Variants in HES7 observed in about 807,000 individuals in gnomAD.
HES7 encodes transcription factor HES-7.
In HES7, 8 loss-of-function variants were observed where a neutral mutation model predicts 18.0. The ratio of observed to expected loss-of-function variants is 0.45; its 90% CI spans 0.26 to 0.80. The LOEUF (loss-of-function observed/expected upper bound fraction) is 0.80, where lower values mean the gene tolerates loss of function less well. Ranked by LOEUF, HES7 falls within the 30% of genes least tolerant of loss-of-function variation. The probability of loss-of-function intolerance (pLI) is 0.18; values close to 1 mark genes in which losing one functional copy is unlikely to be tolerated. For missense variants in HES7, 356 were observed against 340.9 expected, an observed-to-expected ratio of 1.04 and a Z score of -0.35; for synonymous variants, 170 against 158.6, an observed-to-expected ratio of 1.07 and a Z score of -0.54.
rs1221649488 is a variant in HES7 at position 8,121,920 on chromosome 17, G to C, written c.344C>G (p.Ala115Gly). The C allele has an allele frequency of 1.3e-6, 2 of 1,565,122 alleles. No individual in the cohort carries two copies. The highest frequency in any genetic ancestry group is 2.3e-5 in the South Asian group (2 of 87,140). The change falls in exon 4 of 4, where the codon GCC becomes GGC. Residue 115 changes from alanine (A) to glycine (G), a missense_variant. Physicochemically the swap from Ala to Gly is moderately conservative, Grantham distance 60 (BLOSUM62 0). Transcript: ENST00000541682. ...GAGCTGGGCGCGGGCGGCCGGGCTG[G>C]CGTCGTGCGCGAAGGCCGCCAAGCG... Reference protein sequence around the residue: ...LLRLAAFAHDASPAARAQLFS... With the variant: ...LLRLAAFAHDGSPAARAQLFS...
chr17:8,122,323 G>T lies in HES7; in HGVS notation c.226+20C>A. On this transcript the variant is annotated intron_variant, in intron 3 of 3. Transcript: ENST00000541682. This position sits in a 1 kb window ranked among gnomAD's most constrained non-coding sequence, Gnocchi z 6.9. The stretch of plus-strand genomic sequence containing the variant: ...GGCGTCCCCCCTCCCTCCCTCCGCT[G>T]CCCCACCCCCGCGCTGTACCCGGGG... The T allele has an allele frequency of 2.6e-6, 4 of 1,543,332 alleles. No individual in the cohort carries two copies. The highest frequency in any genetic ancestry group is 3.5e-6 in the Non-Finnish European group (4 of 1,134,574).
In HES7 at chr17:8,120,879, C is replaced by G. The variant is rs1303521753; in HGVS notation, c.*692G>C. ...CCCCGCTCCCCAACCCTGCCCCATT[C>G]CCACTCTAGTACCCGTAAGCTACAA... On this transcript the variant is annotated 3_prime_UTR_variant, in exon 4 of 4. Coordinates refer to ENST00000541682, the MANE Select transcript of HES7 (RefSeq NM_001165967.2). 6.5e-6 allele frequency: 1 copy of G among 152,696 alleles called. No homozygotes were observed. The highest frequency in any genetic ancestry group is 1.5e-5 in the Non-Finnish European group (1 of 68,066). The allele number at this position is 152,696 out of a possible 1,614,324, so 9.5% of individuals were successfully genotyped here. A position where few individuals can be genotyped will look rare whatever the true frequency, so the allele number is the denominator to read the frequency against.
At chr17:8,126,415 C>A (rs1981608292), upstream of HES7, among the ~76,000 whole-genome samples, 1 of 152,182 alleles carries the variant, frequency 6.6e-6, no homozygotes, top group Non-Finnish European at 1.5e-5. Context: ...CTCTGGCTCT[C>A]TCGGGTCTCT....
chr17:8,124,111 G>C, upstream of HES7: 1 of 1,613,874 alleles, frequency 6.2e-7, no homozygotes, highest in Non-Finnish European at 8.5e-7. Context: ...GTGTGGACCG[G>C]TTCCCTGCTC....
rs1381149312 is a variant in HES7 at position 8,122,131 on chromosome 17, C to T, written c.227-94G>A. 9.4e-6 allele frequency: 11 copies of T among 1,170,254 alleles called. No homozygotes were observed. The highest frequency in any genetic ancestry group is 3.1e-5 in the African/African-American group (2 of 63,580). 72.5% of individuals were successfully genotyped at this position (1,170,254 alleles called of 1,614,324 possible). On this transcript the variant is annotated intron_variant, in intron 3 of 3. Transcript: ENST00000541682. This position sits in a 1 kb window ranked among gnomAD's most constrained non-coding sequence, Gnocchi z 6.9. ...CGCAGAGATACCAAGGCCGGACAGGCGCACAGAGACAGGAAGCCAGATGGA... is the reference window on the plus strand; with the variant it reads ...CGCAGAGATACCAAGGCCGGACAGGTGCACAGAGACAGGAAGCCAGATGGA...
In HES7 at chr17:8,123,270, C is replaced by A; in HGVS notation, c.43-144G>T. 1.5e-6 allele frequency: 1 copy of A among 667,744 alleles called. No homozygotes were observed. Among genetic ancestry groups the A allele is most frequent in the Non-Finnish European group, 2.7e-6 (1 of 368,832 alleles). The allele number at this position is 667,744 out of a possible 1,614,324, so 41.4% of individuals were successfully genotyped here. A position where few individuals can be genotyped will look rare whatever the true frequency, so the allele number is the denominator to read the frequency against. ...TTGCCTAGGGCCGGCCCCATTCGAT[C>A]CCTCTCCGCTCCCCCTCCCAATGCC... On this transcript the variant is annotated intron_variant, in intron 1 of 3. Transcript: ENST00000541682. This position sits in a 1 kb window ranked among gnomAD's most constrained non-coding sequence, Gnocchi z 5.9.
In HES7 at chr17:8,123,152, G is replaced by T; in HGVS notation, c.43-26C>A. On this transcript the variant is annotated intron_variant, in intron 1 of 3. Coordinates refer to ENST00000541682, the MANE Select transcript of HES7 (RefSeq NM_001165967.2). The surrounding 1 kb of genome is among the most constrained non-coding windows in gnomAD (Gnocchi z 5.9). The stretch of plus-strand genomic sequence containing the variant: ...CTGCGACCAGCGAGAAAAGGAGAGC[G>T]GGCCGACCAGACCGAGACTCAGTGC... The T allele has an allele frequency of 1.9e-6, 3 of 1,567,680 alleles. No homozygotes were observed. The highest frequency in any genetic ancestry group is 1.7e-6 in the Non-Finnish European group (2 of 1,152,442).
In HES7 at chr17:8,122,922, A is replaced by C; in HGVS notation, c.138+109T>G. 1 of 824,232 alleles carries C rather than the reference A, an allele frequency of 1.2e-6. No homozygotes were observed. Among genetic ancestry groups the C allele is most frequent in the South Asian group, 1.4e-5 (1 of 69,146 alleles). 51.1% of individuals were successfully genotyped at this position (824,232 alleles called of 1,614,324 possible). On this transcript the variant is annotated intron_variant, in intron 2 of 3. Transcript: ENST00000541682. The surrounding 1 kb of genome is among the most constrained non-coding windows in gnomAD (Gnocchi z 6.9). ...TTCCAAAGGCGGGACTCGGGTGAGG[A>C]TGCCTTGGGGCCAGGGTTGCCAACC...
At position 8,122,670 on chromosome 17, in the gene HES7, G is replaced by A. The variant is rs1299303080; in HGVS notation, c.139-240C>T. On this transcript the variant is annotated intron_variant, in intron 2 of 3. Coordinates refer to ENST00000541682, the MANE Select transcript of HES7 (RefSeq NM_001165967.2). This position sits in a 1 kb window ranked among gnomAD's most constrained non-coding sequence, Gnocchi z 6.9. The stretch of plus-strand genomic sequence containing the variant: ...GAACCAATGCCCAACGCGTGAGGAG[G>A]AGATTTGAAACCGCAACCCAGGGAA... Among the ~76,000 whole-genome samples, 3 of 152,140 alleles carry A rather than the reference G, an allele frequency of 2.0e-5. No individual in the cohort carries two copies. Among genetic ancestry groups the A allele is most frequent in the Non-Finnish European group, 4.4e-5 (3 of 68,020 alleles).
At chr17:8,126,218 C>G (rs1486874564), upstream of HES7, among the ~76,000 whole-genome samples, 2 of 152,194 alleles carry the variant, frequency 1.3e-5, no homozygotes, top group Admixed American at 1.3e-4. Flanking sequence ...GTCTATGGGT[C>G]TATGCCTTTT....
In HES7 at chr17:8,121,743, G is replaced by A. The variant is rs756663030; in HGVS notation, c.521C>T (p.Pro174Leu). 2.7e-6 allele frequency: 4 copies of A among 1,463,592 alleles called. No homozygotes were observed. The East Asian group carries it at 8.3e-5, about 30-fold the overall frequency. 90.7% of individuals were successfully genotyped at this position (1,463,592 alleles called of 1,614,324 possible). Reference sequence around the variant, plus strand: ...TGGGGACCATGCGCAGCGCGGGCTAGGGTGGCCCTGGTGCACTGGGGGGCG... The same window carrying A: ...TGGGGACCATGCGCAGCGCGGGCTAAGGTGGCCCTGGTGCACTGGGGGGCG... ...HQRPPVHQGH[P>L]SPRCAWSPSL... The change falls in exon 4 of 4, where the codon CCT becomes CTT. Residue 174 changes from proline to leucine, a missense_variant. Coordinates refer to ENST00000541682, the MANE Select transcript of HES7 (RefSeq NM_001165967.2).
At position 8,121,811 on chromosome 17, in the gene HES7, G is replaced by C; in HGVS notation, c.453C>G (p.Ser151=). The part of the protein sequence containing the change: ...VDPRPPAPRP[S]LDPAAPALGP... ...CAAGGGCCGGTGCGGCGGGGTCCAGGGATGGGCGCGGCGCTGGAGGCCTCG... is the reference window on the plus strand; with the variant it reads ...CAAGGGCCGGTGCGGCGGGGTCCAGCGATGGGCGCGGCGCTGGAGGCCTCG... Residue 151 remains serine, a synonymous_variant, in exon 4 of 4, where the codon TCC becomes TCG. Transcript: ENST00000541682. The C allele has an allele frequency of 1.3e-6, 2 of 1,566,086 alleles. No individual in the cohort carries two copies. Among genetic ancestry groups the C allele is most frequent in the Non-Finnish European group, 1.7e-6 (2 of 1,167,316 alleles).
chr17:8,125,100 G>A (rs1169070562), upstream of HES7, among the ~76,000 whole-genome samples: 1 of 152,130 alleles, frequency 6.6e-6, no homozygotes, highest in Non-Finnish European at 1.5e-5. Flanking sequence ...CAAACCAAGA[G>A]CATGACCCTC....
chr17:8,125,057 C>T (rs1346191611), upstream of HES7, among the ~76,000 whole-genome samples: 2 of 152,012 alleles, frequency 1.3e-5, no homozygotes, highest in African/African-American at 4.8e-5. Context: ...AAGGGGAAAG[C>T]AAGGGGTACA....
chr17:8,124,176 G>GC, upstream of HES7: 2 of 1,491,874 alleles, frequency 1.3e-6, no homozygotes, highest in Non-Finnish European at 1.9e-6. Flanking sequence ...ACCCGACCCC[G>GC]CCCCCTTCGA....
rs1357935871 is a variant in HES7, at chr17:8,120,902, CA to C, written c.*668del. The C allele has an allele frequency of 6.5e-6, 1 of 152,708 alleles. No individual in the cohort carries two copies. The highest frequency in any genetic ancestry group is 1.5e-5 in the Non-Finnish European group (1 of 68,054). 9.5% of individuals were successfully genotyped at this position (152,708 alleles called of 1,614,324 possible). A position where few individuals can be genotyped will look rare whatever the true frequency, so the allele number is the denominator to read the frequency against. ...TTCCCACTCTAGTACCCGTAAGCTA[CA>C]AGACGCCGCCGTTCGTCGGGTGGCT... is the stretch of plus-strand genomic sequence containing the variant. On this transcript the variant is annotated 3_prime_UTR_variant, in exon 4 of 4. Coordinates refer to ENST00000541682, the MANE Select transcript of HES7 (RefSeq NM_001165967.2).
At position 8,123,320 on chromosome 17, in the gene HES7, C is replaced by T; in HGVS notation, c.43-194G>A. 1 of 606,850 alleles carries T rather than the reference C, an allele frequency of 1.6e-6. No homozygotes were observed. The highest frequency in any genetic ancestry group is 3.0e-6 in the Non-Finnish European group (1 of 338,354). 37.6% of individuals were successfully genotyped at this position (606,850 alleles called of 1,614,324 possible). A position where few individuals can be genotyped will look rare whatever the true frequency, so the allele number is the denominator to read the frequency against. ...CCCTAGATCAGTTTCTGTAGCTCGC[C>T]TCCCCGGATCTTCGCATTCTCCTCT... is the stretch of plus-strand genomic sequence containing the variant. On this transcript the variant is annotated intron_variant, in intron 1 of 3. Coordinates refer to ENST00000541682, the MANE Select transcript of HES7 (RefSeq NM_001165967.2). This position sits in a 1 kb window ranked among gnomAD's most constrained non-coding sequence, Gnocchi z 5.9.
upstream of HES7, among the ~76,000 whole-genome samples, chr17:8,126,630 G>C (rs1054986834): frequency 7.7e-4 from 117 of 152,206 alleles, no homozygotes; most frequent in Admixed American, 1.4e-3. Context: ...ACTTGTGAGC[G>C]GGGCGGGGCG....
Position 8,122,355 on chromosome 17 carries a change from C to A in HES7, c.214G>T (p.Val72Leu), listed in dbSNP as rs1981398599. The change falls in exon 3 of 4, where the codon GTG becomes TTG. Residue 72 changes from valine (V) to leucine (L), a missense_variant. Physicochemically the swap from Val to Leu is conservative, Grantham distance 32. Transcript: ENST00000541682. The surrounding 1 kb of genome is among the most constrained non-coding windows in gnomAD (Gnocchi z 6.9). The stretch of plus-strand genomic sequence containing the variant: ...CCCCGCGCTGTACCCGGGGGCTCCA[C>A]CCGGCTTCGCTCCCTCAAGTAGCCC... ...AVGYLRERSR[V>L]EPPAAAAPGV... is the part of the protein sequence containing the mutation. The A allele has an allele frequency of 6.3e-7, 1 of 1,592,892 alleles. No individual in the cohort carries two copies. Among genetic ancestry groups the A allele is most frequent in the South Asian group, 1.1e-5 (1 of 87,590 alleles).
Sources: gnomAD v4.1 joint callset for allele counts (sites outside exome capture counted in the v4.1 genomes callset) on GRCh38, gnomAD v4.1.1 for gene constraint, Gnocchi (gnomAD v3.1) non-coding constraint, MANE v1.5 for transcripts, NCBI Gene and HGNC (gene_info 2026-07-23, HGNC 2026-07-21) for gene names.